The following CCDC30 variants were observed in gnomAD, a reference collection of about 807,000 sequenced individuals.
CCDC30 encodes coiled-coil domain containing 30, also known as coiled-coil domain-containing protein 30.
In CCDC30, 70 loss-of-function variants were observed where a neutral mutation model predicts 100.2. That is an observed-to-expected ratio of 0.70 (90% confidence interval 0.58 to 0.85). The LOEUF is 0.85. Among genes scored for constraint, CCDC30 ranks in the 40% least tolerant of loss-of-function variants. CCDC30 has a pLI of 0.00. For missense variants in CCDC30, 652 were observed against 771.2 expected (o/e 0.85, Z 1.83); for synonymous variants, 233 against 269.5 (o/e 0.86, Z 1.33).
rs564160838 is a variant in CCDC30, at chr1:42,589,610, C to T, written c.1164+127C>T. 28 of 780,280 alleles carry T rather than the reference C, an allele frequency of 3.6e-5. No individual in the cohort carries two copies. In the African/African-American group the frequency reaches 4.2e-4, roughly 12 times the overall value. The allele number at this position is 780,280 out of a possible 1,614,324, so 48.3% of individuals were successfully genotyped here. On this transcript the variant is annotated intron_variant, in intron 10 of 16. Coordinates refer to ENST00000668663, the Ensembl canonical transcript of CCDC30. ...CAGGGTTCAGTCAGGAAAGTAGAAT[C>T]TACTCTAGGTATTTCAAGCAAGAAG...
intron 6 of CCDC30, among the ~76,000 whole-genome samples, chr1:42,539,938 A>T (rs1157509131): frequency 6.6e-6 from 1 of 151,118 alleles, no homozygotes. Flanking sequence ...AAAAAAGAAA[A>T]GGCTACCTGG....
intron 9 of CCDC30, among the ~76,000 whole-genome samples, chr1:42,589,040 T>C (rs530549271): frequency 1.3e-5 from 2 of 152,290 alleles, no homozygotes; most frequent in African/African-American, 4.8e-5. Flanking sequence ...GAGCCCTACC[T>C]CCACTTTGTC....
intron 6 of CCDC30, among the ~76,000 whole-genome samples, chr1:42,520,214 T>C (rs575815606): frequency 7.9e-5 from 12 of 152,292 alleles, no homozygotes; most frequent in African/African-American, 2.6e-4. Flanking sequence ...TTTGAGATCT[T>C]TCTTATTTTT....
intron 6 of CCDC30, among the ~76,000 whole-genome samples, chr1:42,525,733 T>C (rs759188779): frequency 2.4e-4 from 37 of 152,220 alleles, no homozygotes; most frequent in Non-Finnish European, 3.8e-4. Flanking sequence ...AGCTTAATTC[T>C]TTCTGGATTG....
intron 6 of CCDC30, among the ~76,000 whole-genome samples, chr1:42,500,659 C>T (rs138850467): frequency 0.026 from 3,960 of 152,170 alleles, 182 homozygotes; most frequent in African/African-American, 0.09. Context: ...GTGATCCACC[C>T]GCCTCAGCCT....
exon 15 of CCDC30, chr1:42,646,183 G>C: frequency 6.2e-7 from 1 of 1,601,884 alleles, no homozygotes; most frequent in Non-Finnish European, 8.5e-7. Context: ...AGGCAAGCTG[G>C]CTTCTCTCCC....
At chr1:42,505,072 C>T (rs1644374986) in intron 6 of CCDC30, among the ~76,000 whole-genome samples, 1 of 152,224 alleles carries the variant, frequency 6.6e-6, no homozygotes. Flanking sequence ...CCATGTATAA[C>T]TCTACCACAA....
chr1:42,567,239 A>C (rs1180572014), intron 7 of CCDC30, among the ~76,000 whole-genome samples: 1 of 152,158 alleles, frequency 6.6e-6, no homozygotes, highest in Non-Finnish European at 1.5e-5. Flanking sequence ...TGTTTTTATA[A>C]ATAAAGTTTT....
At chr1:42,489,520 A>G (rs1196031449) in intron 3 of CCDC30, among the ~76,000 whole-genome samples, 1 of 152,184 alleles carries the variant, frequency 6.6e-6, no homozygotes, top group African/African-American at 2.4e-5. Context: ...GTGACCTGTT[A>G]TAAAATTCAT....
At chr1:42,597,177 A>C (rs542523600) in intron 10 of CCDC30, among the ~76,000 whole-genome samples, 1 of 152,342 alleles carries the variant, frequency 6.6e-6, no homozygotes, top group South Asian at 2.1e-4. Flanking sequence ...AAGGGGTATG[A>C]TAGATACATA....
At chr1:42,473,367 T>C (rs775101387) in intron 1 of CCDC30, 40 of 943,242 alleles carry the variant, frequency 4.2e-5, no homozygotes, top group Middle Eastern at 3.7e-4. Context: ...CTTCATTAAA[T>C]TGACATATTA....
At chr1:42,653,100 A>C (rs1648491740) in intron 15 of CCDC30, among the ~76,000 whole-genome samples, 1 of 152,208 alleles carries the variant, frequency 6.6e-6, no homozygotes, top group African/African-American at 2.4e-5. Flanking sequence ...CAAAATTTAT[A>C]TAACAAAAGA....
chr1:42,500,291 T>C, intron 6 of CCDC30: 1 of 1,610,952 alleles, frequency 6.2e-7, no homozygotes, highest in Non-Finnish European at 8.5e-7. Flanking sequence ...TTCTTCAGTT[T>C]CGACTTATCG....
At chr1:42,653,986 G>A (rs769531493) in exon 17 of CCDC30, 10 of 1,613,984 alleles carry the variant, frequency 6.2e-6, no homozygotes, top group Non-Finnish European at 8.5e-6. Context: ...CTCTGAAGGA[G>A]ACACATGGTA....
chr1:42,475,352 T>G (rs1224276448), intron 1 of CCDC30, among the ~76,000 whole-genome samples: 3 of 151,748 alleles, frequency 2.0e-5, no homozygotes, highest in Non-Finnish European at 2.9e-5. Context: ...AGAAAATGTG[T>G]TTTTTTTAGG....
exon 11 of CCDC30, chr1:42,610,980 T>C (rs1434565901): frequency 1.9e-6 from 3 of 1,568,658 alleles, no homozygotes; most frequent in East Asian, 4.5e-5. Context: ...TTTTTCAGCA[T>C]GTCAAAAGCA....
At chr1:42,526,406 G>A (rs149918225) in intron 6 of CCDC30, among the ~76,000 whole-genome samples, 6 of 151,996 alleles carry the variant, frequency 3.9e-5, no homozygotes, top group African/African-American at 1.4e-4. Flanking sequence ...TTTTGAGGTC[G>A]TTTTCTTCTC....
At chr1:42,522,637 T>C (rs1644665390) in intron 6 of CCDC30, among the ~76,000 whole-genome samples, 2 of 152,250 alleles carry the variant, frequency 1.3e-5, no homozygotes, top group South Asian at 4.1e-4. Context: ...CAGCCATCAC[T>C]ATCCCTTTCA....
At chr1:42,469,303 G>A (rs1240654592) in intron 1 of CCDC30, among the ~76,000 whole-genome samples, 1 of 152,208 alleles carries the variant, frequency 6.6e-6, no homozygotes, top group African/African-American at 2.4e-5. Flanking sequence ...GATCACTAGA[G>A]CGCAGGAGTT....
Sources: gnomAD v4.1 joint callset for allele counts (sites outside exome capture counted in the v4.1 genomes callset) on GRCh38, gnomAD v4.1.1 for gene constraint, MANE v1.5 for transcripts, NCBI Gene and HGNC (gene_info 2026-07-23, HGNC 2026-07-21) for gene names.